Variants in IL23R observed in about 807,000 individuals in gnomAD.
IL23R encodes the protein interleukin-23 receptor.
A neutral mutation model predicts 56.9 loss-of-function variants in IL23R; 34 were observed. That is an observed-to-expected ratio of 0.60 (90% CI 0.45 to 0.80). IL23R has a LOEUF of 0.80. Among genes scored for constraint, IL23R ranks in the 30% least tolerant of loss-of-function variants. The pLI is 0.00. For synonymous variants in IL23R, 230 were observed against 249.2 expected, an observed-to-expected ratio of 0.92 and a Z score of 0.73; for missense variants, 635 against 730.0, an observed-to-expected ratio of 0.87 and a Z score of 1.50.
chr1:67,189,671 G>A (rs969676408), intron 4 of IL23R, among the ~76,000 whole-genome samples: 1 of 152,158 alleles, frequency 6.6e-6, no homozygotes, highest in Non-Finnish European at 1.5e-5. Context: ...AGGGCTGGGC[G>A]CAGTGGCTCA....
At chr1:67,150,202 T>C (rs1017581201) in intron 1 of IL23R, among the ~76,000 whole-genome samples, 4 of 151,736 alleles carry the variant, frequency 2.6e-5, no homozygotes, top group Non-Finnish European at 4.4e-5. Flanking sequence ...CAGGTTCATA[T>C]GACCCAACCA....
intron 1 of IL23R, among the ~76,000 whole-genome samples, chr1:67,151,892 G>T (rs1359504427): frequency 6.6e-6 from 1 of 152,162 alleles, no homozygotes; most frequent in East Asian, 1.9e-4. Context: ...AAGTCAGGTA[G>T]TGTGATGCCT....
At chr1:67,207,324 C>A (rs1056766208) in intron 6 of IL23R, 8 of 517,148 alleles carry the variant, frequency 1.5e-5, no homozygotes, top group Admixed American at 3.0e-5. Context: ...AGCATAGTTA[C>A]CAATAATTTG....
At chr1:67,250,457 C>A (rs1047445742) in intron 9 of IL23R, among the ~76,000 whole-genome samples, 1 of 152,158 alleles carries the variant, frequency 6.6e-6, no homozygotes, top group African/African-American at 2.4e-5. Context: ...TGTCCCCAGG[C>A]CTTATTGAGA....
chr1:67,260,167 G>A (rs577902602), downstream of IL23R, among the ~76,000 whole-genome samples: 3 of 152,064 alleles, frequency 2.0e-5, no homozygotes, highest in Admixed American at 6.6e-5. Context: ...CCAGGTATTA[G>A]GGATTTGATC....
At chr1:67,165,794 G>A (rs778566005), upstream of IL23R, among the ~76,000 whole-genome samples, 1 of 152,216 alleles carries the variant, frequency 6.6e-6, no homozygotes, top group South Asian at 2.1e-4. Flanking sequence ...TAGAATGGTG[G>A]TTACCAAGGT....
chr1:67,141,745 G>T (rs918766336), intron 1 of IL23R, among the ~76,000 whole-genome samples: 4 of 152,116 alleles, frequency 2.6e-5, no homozygotes, highest in African/African-American at 9.7e-5. Context: ...GTGACAGAGT[G>T]TGCAGTGGGA....
chr1:67,185,942 C>T (rs746126477), intron 4 of IL23R, among the ~76,000 whole-genome samples: 4 of 152,146 alleles, frequency 2.6e-5, no homozygotes, highest in South Asian at 2.1e-4. Flanking sequence ...AGGGAACTAT[C>T]GTTATTGTTC....
intron 7 of IL23R, 144 bp from the exon 8 acceptor site, chr1:67,236,569 T>G (rs193154037): frequency 1.5e-6 from 1 of 672,518 alleles, no homozygotes; most frequent in Non-Finnish European, 2.7e-6. Context: ...ACTCGAAGAC[T>G]ATTGCTTTTA....
chr1:67,147,727 GC>G (rs1646692573), intron 1 of IL23R, among the ~76,000 whole-genome samples: 1 of 152,002 alleles, frequency 6.6e-6, no homozygotes, highest in African/African-American at 2.4e-5. Flanking sequence ...GATTGTAGGG[GC>G]TAACTAGTTC....
intron 5 of IL23R, among the ~76,000 whole-genome samples, chr1:67,206,491 T>C (rs1351670673): frequency 1.3e-5 from 2 of 152,146 alleles, no homozygotes; most frequent in Non-Finnish European, 2.9e-5. Context: ...TAACATCTTT[T>C]CAAATCTGAT....
At chr1:67,176,906 T>C (rs982287732) in intron 3 of IL23R, among the ~76,000 whole-genome samples, 8 of 152,160 alleles carry the variant, frequency 5.3e-5, no homozygotes, top group African/African-American at 1.9e-4. Flanking sequence ...CTGAGAATGA[T>C]GGTTTCCAGC....
At chr1:67,166,007 CTTGA>C (rs1646870204), upstream of IL23R, among the ~76,000 whole-genome samples, 1 of 152,148 alleles carries the variant, frequency 6.6e-6, no homozygotes, top group South Asian at 2.1e-4. Flanking sequence ...TATTAACTAA[CTTGA>C]TTGTATAATA....
intron 4 of IL23R, among the ~76,000 whole-genome samples, chr1:67,185,929 G>C (rs1017369197): frequency 3.9e-5 from 6 of 152,174 alleles, no homozygotes; most frequent in African/African-American, 1.4e-4. Flanking sequence ...ACTTAACCTT[G>C]TGAGGGAACT....
chr1:67,264,040 A>G (rs1230166466), downstream of IL23R, among the ~76,000 whole-genome samples: 1 of 152,136 alleles, frequency 6.6e-6, no homozygotes, highest in African/African-American at 2.4e-5. Context: ...GTGCTCTTCT[A>G]TACTTAGGAG....
chr1:67,230,601 C>G (rs148152704), intron 7 of IL23R, among the ~76,000 whole-genome samples: 4 of 152,132 alleles, frequency 2.6e-5, no homozygotes, highest in Non-Finnish European at 5.9e-5. Flanking sequence ...TACCTTCTCC[C>G]TACATACCAA....
intron 9 of IL23R, among the ~76,000 whole-genome samples, chr1:67,254,361 G>T (rs1423897233): frequency 6.6e-6 from 1 of 151,838 alleles, no homozygotes; most frequent in Non-Finnish European, 1.5e-5. Context: ...GAGCCAACAT[G>T]CCCGGCCCAA....
upstream of IL23R, among the ~76,000 whole-genome samples, chr1:67,164,800 G>A (rs1224008099): frequency 1.3e-5 from 2 of 151,816 alleles, no homozygotes; most frequent in Non-Finnish European, 2.9e-5. Context: ...TAAGAAATGT[G>A]TCATCAGGCG....
intron 9 of IL23R, among the ~76,000 whole-genome samples, chr1:67,250,662 T>A (rs1017507125): frequency 6.6e-6 from 1 of 152,260 alleles, no homozygotes; most frequent in Non-Finnish European, 1.5e-5. Context: ...TTACAGTTTT[T>A]ATTTTTTCTT....
Sources: gnomAD v4.1 joint callset for allele counts (sites outside exome capture counted in the v4.1 genomes callset) on GRCh38, gnomAD v4.1.1 for gene constraint, MANE v1.5 for transcripts, NCBI Gene and HGNC (gene_info 2026-07-23, HGNC 2026-07-21) for gene names.